Variants in LATS1 observed in about 807,000 individuals in gnomAD.
LATS1 encodes the protein serine/threonine-protein kinase LATS1.
LATS1 carries 25 observed loss-of-function variants against 106.6 expected under a neutral mutation model. The ratio of observed to expected loss-of-function variants is 0.23; its 90% CI spans 0.17 to 0.33. LATS1 has a LOEUF of 0.33. Ranked by LOEUF, LATS1 falls within the 10% of genes least tolerant of loss-of-function variation. The pLI is 1.00. For missense variants in LATS1, 1,040 were observed against 1,382.6 expected, an observed-to-expected ratio of 0.75 and a Z score of 3.93; for synonymous variants, 465 against 455.6, an observed-to-expected ratio of 1.02 and a Z score of -0.26.
At chr6:149,707,074 G>A (rs1783821455) in intron 1 of LATS1, among the ~76,000 whole-genome samples, 1 of 138,880 alleles carries the variant, frequency 7.2e-6, no homozygotes, top group Admixed American at 8.1e-5. Context: ...GGAGTGCAGT[G>A]GGGTGATCTT....
intron 3 of LATS1, among the ~76,000 whole-genome samples, chr6:149,687,196 T>TC (rs1782438406): frequency 1.3e-5 from 2 of 151,854 alleles, no homozygotes; most frequent in East Asian, 3.9e-4. Flanking sequence ...GTTTAGGCGA[T>TC]TCTCCTGCCT....
chr6:149,708,679 G>A (rs1028774995), intron 1 of LATS1, among the ~76,000 whole-genome samples: 4 of 152,068 alleles, frequency 2.6e-5, no homozygotes, highest in African/African-American at 9.7e-5. Flanking sequence ...GACAATGTAG[G>A]TTACATTCTG....
At chr6:149,702,965 G>A (rs1164125675) in intron 1 of LATS1, among the ~76,000 whole-genome samples, 11 of 150,264 alleles carry the variant, frequency 7.3e-5, no homozygotes, top group East Asian at 2.0e-4. Context: ...GAGCCACCGT[G>A]CCCAGCCTTT....
rs1780835829 is a variant in LATS1, at chr6:149,660,203, C to T, written c.*1526G>A. ...GAGTCCACAGCTTCCTTCAGATTCT[C>T]AAAAGAACCACTAACCCCAAAAGAC... On this transcript the variant is annotated 3_prime_UTR_variant, in exon 8 of 8. Transcript: ENST00000543571. The T allele has an allele frequency of 4.3e-6, 1 of 232,596 alleles. No individual in the cohort carries two copies. Among genetic ancestry groups the T allele is most frequent in the East Asian group, 6.1e-5 (1 of 16,476 alleles). 14.4% of individuals were successfully genotyped at this position (232,596 alleles called of 1,614,324 possible). A position where few individuals can be genotyped will look rare whatever the true frequency, so the allele number is the denominator to read the frequency against.
intron 2 of LATS1, among the ~76,000 whole-genome samples, chr6:149,696,377 T>G (rs1783066169): frequency 6.7e-6 from 1 of 150,042 alleles, no homozygotes; most frequent in Non-Finnish European, 1.5e-5. Flanking sequence ...CAGACCAGCC[T>G]GACCAACATG....
chr6:149,674,868 C>T (rs1781628948), intron 7 of LATS1, among the ~76,000 whole-genome samples: 1 of 152,030 alleles, frequency 6.6e-6, no homozygotes, highest in Non-Finnish European at 1.5e-5. Context: ...CACGCCACTG[C>T]ATTACACCCT....
Position 149,687,910 on chromosome 6 carries a change from G to A in LATS1, c.497-3318C>T, listed in dbSNP as rs373537628. On this transcript the variant is annotated intron_variant, in intron 3 of 7. Transcript: ENST00000543571. ...TTTTTTTGAGGCGGAGTCTCGCTCT[G>A]TCGCCCAGGCTGGGAGTGCAGTGGT... is the stretch of plus-strand genomic sequence containing the variant. 1.5e-4 allele frequency among the ~76,000 whole-genome samples: 20 copies of A among 132,114 alleles called. No homozygotes were observed. In the East Asian group the frequency reaches 3.4e-3, roughly 22 times the overall value. 86.7% of individuals were successfully genotyped at this position (132,114 alleles called of 152,430 possible).
chr6:149,685,542 C>T (rs1057393866), intron 3 of LATS1, among the ~76,000 whole-genome samples: 8 of 152,062 alleles, frequency 5.3e-5, no homozygotes, highest in African/African-American at 1.7e-4. Flanking sequence ...CACGCCACCA[C>T]GCCCAGCTAA....
chr6:149,707,236 G>A lies in LATS1; in HGVS notation c.-140-4970C>T, dbSNP rs139537611. On this transcript the variant is annotated intron_variant, in intron 1 of 7. Transcript: ENST00000543571. Reference sequence around the variant, plus strand: ...TCACCATGTAGGTCAGGCTGGTCTCGAACTCCTGACCTCGTGATCTGCCCG... The same window carrying A: ...TCACCATGTAGGTCAGGCTGGTCTCAAACTCCTGACCTCGTGATCTGCCCG... Among the ~76,000 whole-genome samples the A allele has an allele frequency of 1.1e-4, 16 of 151,962 alleles. No individual in the cohort carries two copies. The East Asian group carries it at 2.9e-3, about 28-fold the overall frequency.
intron 2 of LATS1, among the ~76,000 whole-genome samples, chr6:149,696,399 T>A (rs1582902321): frequency 6.7e-6 from 1 of 149,586 alleles, no homozygotes; most frequent in African/African-American, 2.4e-5. Flanking sequence ...TAAAACCCCA[T>A]CTCTACTAAA....
Position 149,684,432 on chromosome 6 carries a change from A to G in LATS1, c.657T>C (p.Gly219=). The G allele has an allele frequency of 6.2e-7, 1 of 1,613,918 alleles. No individual in the cohort carries two copies. ...GGTGAGCTTGAACAAATGCTGATAT[A>G]CCAGATCCAGACAAAGGTCTTCCTA... ...TDVGRPLSGS[G]ISAFVQAHPS... is the part of the protein sequence containing the mutation. Residue 219 remains glycine, a synonymous_variant, in exon 4 of 8, where the codon GGT becomes GGC. Coordinates refer to ENST00000543571, the MANE Select transcript of LATS1 (RefSeq NM_004690.4).
chr6:149,709,795 C>T (rs1783992358), intron 1 of LATS1, among the ~76,000 whole-genome samples: 1 of 151,388 alleles, frequency 6.6e-6, no homozygotes, highest in South Asian at 2.1e-4. Context: ...CCTGCCTCAG[C>T]CTCCTGAGTA....
In LATS1 at chr6:149,683,227, T is replaced by C. The variant is rs754390748; in HGVS notation, c.1862A>G (p.Lys621Arg). 6.2e-7 allele frequency: 1 copy of C among 1,614,078 alleles called. No individual in the cohort carries two copies. Among genetic ancestry groups the C allele is most frequent in the East Asian group, 2.2e-5 (1 of 44,886 alleles). Residue 621 changes from lysine to arginine, a missense_variant, in exon 4 of 8, where the codon AAG becomes AGG. Lys to Arg is a conservative substitution (Grantham distance 26). Coordinates refer to ENST00000543571, the MANE Select transcript of LATS1 (RefSeq NM_004690.4). ...TTSPITVRKN[K>R]KDEERRESRI... ...AGATTCCCTTCGCTCTTCATCTTTC[T>C]TGTTTTTCCTAACAGTAATAGGTGA...
intron 5 of LATS1, among the ~76,000 whole-genome samples, chr6:149,678,864 T>C (rs1781877924): frequency 6.6e-6 from 1 of 152,134 alleles, no homozygotes; most frequent in Admixed American, 6.6e-5. Flanking sequence ...CACAGTGACA[T>C]TGTGAGGATA....
intron 3 of LATS1, among the ~76,000 whole-genome samples, chr6:149,694,381 G>A (rs1212769442): frequency 6.6e-6 from 1 of 152,150 alleles, no homozygotes; most frequent in African/African-American, 2.4e-5. Context: ...GCCCAGGCTG[G>A]AGTGCAGTGG....
At chr6:149,670,171 C>CAAAAAAAAAAAAAAAAAAAAAAAA (rs1177166262) in intron 7 of LATS1, among the ~76,000 whole-genome samples, 2 of 31,656 alleles carry the variant, frequency 6.3e-5, no homozygotes, top group East Asian at 9.5e-4. Flanking sequence ...AATTGCATCT[C>CAAAAAAAAAAAAAAAAAAAAAAAA]AAAAAAAAAA....
At chr6:149,707,460 G>A (rs965449924) in intron 1 of LATS1, among the ~76,000 whole-genome samples, 11 of 152,096 alleles carry the variant, frequency 7.2e-5, no homozygotes, top group African/African-American at 1.4e-4. Context: ...AGAATGTATT[G>A]TTGCCCAAAT....
chr6:149,676,774 T>C (rs1247056417), intron 5 of LATS1, 37 bp from the exon 6 acceptor site: 1 of 1,562,656 alleles, frequency 6.4e-7, no homozygotes, highest in African/African-American at 1.3e-5. Flanking sequence ...AAGTCAACAA[T>C]GACAACAGTA....
intron 1 of LATS1, among the ~76,000 whole-genome samples, chr6:149,712,000 A>G (rs1784131729): frequency 6.6e-6 from 1 of 152,178 alleles, no homozygotes; most frequent in Non-Finnish European, 1.5e-5. Context: ...GCACACACGC[A>G]GCACACAGGA....
Sources: gnomAD v4.1 joint callset for allele counts (sites outside exome capture counted in the v4.1 genomes callset) on GRCh38, gnomAD v4.1.1 for gene constraint, MANE v1.5 for transcripts, NCBI Gene and HGNC (gene_info 2026-07-23, HGNC 2026-07-21) for gene names.